The following SLC22A23 variants were observed in gnomAD, a reference collection of about 807,000 sequenced individuals.
The protein encoded by SLC22A23 is solute carrier family 22 member 23.
Under a neutral mutation model 61.0 loss-of-function variants are expected in SLC22A23, and 26 were observed. The observed-to-expected ratio is 0.43, with a 90% CI of 0.31 to 0.59. SLC22A23 has a LOEUF of 0.59. Ranked by LOEUF, SLC22A23 falls within the 20% of genes least tolerant of loss-of-function variation. The probability of loss-of-function intolerance (pLI) is 0.11; values close to 1 mark genes in which losing one functional copy is unlikely to be tolerated. For missense variants in SLC22A23, 796 were observed against 934.7 expected, an observed-to-expected ratio of 0.85 and a Z score of 1.94; for synonymous variants, 430 against 413.9, an observed-to-expected ratio of 1.04 and a Z score of -0.47.
At chr6:3,381,846 C>G (rs903569719) in intron 3 of SLC22A23, among the ~76,000 whole-genome samples, 1 of 152,182 alleles carries the variant, frequency 6.6e-6, no homozygotes, top group African/African-American at 2.4e-5. Flanking sequence ...TTTGCTGCCA[C>G]CATGAGCAAG....
At position 3,386,236 on chromosome 6, in the gene SLC22A23, C is replaced by G. The variant is rs1767297864; in HGVS notation, c.913+23952G>C. 6.6e-6 allele frequency among the ~76,000 whole-genome samples: 1 copy of G among 152,148 alleles called. No homozygotes were observed. The highest frequency in any genetic ancestry group is 6.5e-5 in the Admixed American group (1 of 15,282). On this transcript the variant is annotated intron_variant, in intron 3 of 9. Coordinates refer to ENST00000406686, the MANE Select transcript of SLC22A23 (RefSeq NM_015482.2). This position sits in a 1 kb window ranked among gnomAD's most constrained non-coding sequence, Gnocchi z 4.4. Reference sequence around the variant, plus strand: ...GGGAAGCCAGTGTGCCCTGACAGTGCACGGTTAGGGGTTTAGAAACCCAAG... The same window carrying G: ...GGGAAGCCAGTGTGCCCTGACAGTGGACGGTTAGGGGTTTAGAAACCCAAG...
At chr6:3,336,641 G>A (rs930784573) in intron 3 of SLC22A23, among the ~76,000 whole-genome samples, 16 of 152,288 alleles carry the variant, frequency 1.1e-4, no homozygotes, top group Middle Eastern at 3.4e-3. Context: ...CCTTCCTAAC[G>A]TCTAGCATTG....
At position 3,286,024 on chromosome 6, in the gene SLC22A23, G is replaced by A. The variant is rs1306211817; in HGVS notation, c.1546+835C>T. On this transcript the variant is annotated intron_variant, in intron 7 of 9. Coordinates refer to ENST00000406686, the MANE Select transcript of SLC22A23 (RefSeq NM_015482.2). The surrounding 1 kb of genome is among the most constrained non-coding windows in gnomAD (Gnocchi z 4.2). Reference sequence around the variant, plus strand: ...TGCTGTGGTGGTTTGTCCATACACGGGAATGGGTATTTGTTGGTGAGGAGC... The same window carrying A: ...TGCTGTGGTGGTTTGTCCATACACGAGAATGGGTATTTGTTGGTGAGGAGC... Among the ~76,000 whole-genome samples the A allele has an allele frequency of 6.6e-6, 1 of 152,174 alleles. No individual in the cohort carries two copies. The highest frequency in any genetic ancestry group is 2.4e-5 in the African/African-American group (1 of 41,440).
chr6:3,413,716 G>C (rs950599208), intron 2 of SLC22A23, among the ~76,000 whole-genome samples: 12 of 152,214 alleles, frequency 7.9e-5, no homozygotes, highest in Admixed American at 7.8e-4. Flanking sequence ...TTCCCCTGCA[G>C]CCATGAAACA....
At chr6:3,280,581 C>T (rs892107189) in intron 9 of SLC22A23, among the ~76,000 whole-genome samples, 8 of 140,836 alleles carry the variant, frequency 5.7e-5, no homozygotes, top group Admixed American at 4.0e-4. Context: ...CTGTAAGCTC[C>T]GCCTCCTGGG....
intron 4 of SLC22A23, chr6:3,323,263 A>T (rs1363615377): frequency 2.2e-6 from 1 of 456,502 alleles, no homozygotes; most frequent in Admixed American, 2.3e-5. Context: ...ATACCATACC[A>T]ACCTGCTGCA....
intron 1 of SLC22A23, among the ~76,000 whole-genome samples, chr6:3,452,893 C>G (rs932995418): frequency 6.6e-6 from 1 of 152,116 alleles, no homozygotes; most frequent in Non-Finnish European, 1.5e-5. Context: ...CATGGTCATG[C>G]TACATGAGCC....
intron 3 of SLC22A23, among the ~76,000 whole-genome samples, chr6:3,392,874 A>T: frequency 6.6e-6 from 1 of 152,134 alleles, no homozygotes; most frequent in East Asian, 1.9e-4. Flanking sequence ...CTCAGCAGGG[A>T]GGTCAGAGTT....
intron 4 of SLC22A23, among the ~76,000 whole-genome samples, chr6:3,306,229 C>T (rs991742407): frequency 6.6e-5 from 10 of 152,144 alleles, no homozygotes; most frequent in South Asian, 2.1e-4. Context: ...CCGTGGGGAG[C>T]GTACCAAGCC....
At chr6:3,369,970 C>T (rs1200344234) in intron 3 of SLC22A23, among the ~76,000 whole-genome samples, 1 of 152,202 alleles carries the variant, frequency 6.6e-6, no homozygotes, top group Non-Finnish European at 1.5e-5. Context: ...GCTGTAACCA[C>T]AATTAAGATT....
At chr6:3,439,370 C>T (rs1222872955) in intron 1 of SLC22A23, 2 of 448,768 alleles carry the variant, frequency 4.5e-6, no homozygotes, top group African/African-American at 4.0e-5. Context: ...TGAAAGTTCC[C>T]CAGGGTGACT....
intron 3 of SLC22A23, among the ~76,000 whole-genome samples, chr6:3,362,202 G>C (rs567315603): frequency 6.6e-6 from 1 of 151,552 alleles, no homozygotes; most frequent in African/African-American, 2.4e-5. Context: ...TCAGGAGTTC[G>C]AGACCAGCCT....
intron 3 of SLC22A23, among the ~76,000 whole-genome samples, chr6:3,384,800 T>C (rs1218714335): frequency 6.6e-6 from 1 of 152,150 alleles, no homozygotes; most frequent in Non-Finnish European, 1.5e-5. Flanking sequence ...CACACATGTG[T>C]TCACAGCAGC....
At chr6:3,335,633 C>A (rs1450542797) in intron 3 of SLC22A23, among the ~76,000 whole-genome samples, 3 of 152,196 alleles carry the variant, frequency 2.0e-5, no homozygotes, top group Non-Finnish European at 2.9e-5. Context: ...GCATGCACAG[C>A]TTGGACTGGC....
intron 1 of SLC22A23, among the ~76,000 whole-genome samples, chr6:3,430,315 G>T (rs1352494013): frequency 6.6e-6 from 1 of 152,160 alleles, no homozygotes; most frequent in Non-Finnish European, 1.5e-5. Context: ...AGGATCAAAG[G>T]ACATTGCCCG....
chr6:3,349,667 A>T (rs1764647501), intron 3 of SLC22A23, among the ~76,000 whole-genome samples: 1 of 152,218 alleles, frequency 6.6e-6, no homozygotes, highest in African/African-American at 2.4e-5. Flanking sequence ...GGTGAAGAAT[A>T]TTGAATACTC....
chr6:3,363,875 G>C (rs780307835), intron 3 of SLC22A23, among the ~76,000 whole-genome samples: 1 of 152,258 alleles, frequency 6.6e-6, no homozygotes, highest in Non-Finnish European at 1.5e-5. Context: ...AAAGGAGACA[G>C]GACATGGGGC....
At chr6:3,438,847 T>A (rs767348785) in intron 1 of SLC22A23, among the ~76,000 whole-genome samples, 1 of 152,208 alleles carries the variant, frequency 6.6e-6, no homozygotes, top group South Asian at 2.1e-4. Flanking sequence ...CAGCAAACCC[T>A]TTCTTCACAG....
intron 6 of SLC22A23, 95 bp from the exon 7 acceptor site, chr6:3,287,186 TGAA>T (rs1163814681): frequency 7.0e-6 from 8 of 1,138,698 alleles, no homozygotes; most frequent in Non-Finnish European, 1.0e-5. Flanking sequence ...GACCAGGAGA[TGAA>T]GAAGCAACTC....
Sources: gnomAD v4.1 joint callset for allele counts (sites outside exome capture counted in the v4.1 genomes callset) on GRCh38, gnomAD v4.1.1 for gene constraint, Gnocchi (gnomAD v3.1) non-coding constraint, MANE v1.5 for transcripts, NCBI Gene and HGNC (gene_info 2026-07-23, HGNC 2026-07-21) for gene names.